RNF216: variants seen among roughly 807,000 people sequenced by gnomAD.
RNF216 encodes ring finger protein 216, also known as E3 ubiquitin-protein ligase RNF216.
In RNF216, 72 loss-of-function variants were observed where a neutral mutation model predicts 110.8. The observed-to-expected ratio is 0.65, with a 90% CI of 0.54 to 0.79. The LOEUF (loss-of-function observed/expected upper bound fraction) is 0.79. RNF216 is among the 30% of genes least tolerant of loss of function. RNF216 has a pLI of 0.00. For synonymous variants in RNF216, 495 were observed against 407.5 expected, an observed-to-expected ratio of 1.21 and a Z score of -2.59; for missense variants, 1,342 against 1,141.2, an observed-to-expected ratio of 1.18 and a Z score of -2.54.
chr7:5,743,607 A>G (rs1482259704), intron 3 of RNF216, among the ~76,000 whole-genome samples: 1 of 152,266 alleles, frequency 6.6e-6, no homozygotes, highest in East Asian at 1.9e-4. Context: ...AAATATGTCA[A>G]TAAGACACAA....
rs576439106 is a variant in RNF216 at position 5,710,545 on chromosome 7, G to C, written c.2061+1216C>G. Among the ~76,000 whole-genome samples, 53 of 152,216 alleles carry C rather than the reference G, an allele frequency of 3.5e-4. 1 individual carries two copies. In the South Asian group the frequency reaches 9.9e-3, roughly 29 times the overall value. The stretch of plus-strand genomic sequence containing the variant: ...AAGACCCAAGAGGCTGTGCAGTGCT[G>C]TACATTTCTCACCTGGACTACTCAA... On this transcript the variant is annotated intron_variant, in intron 13 of 16. Transcript: ENST00000389902.
chr7:5,643,474 C>G (rs1463236113), intron 14 of RNF216, among the ~76,000 whole-genome samples: 1 of 151,910 alleles, frequency 6.6e-6, no homozygotes. Flanking sequence ...CTTGCGCTCA[C>G]ACAGGAAGGC....
chr7:5,646,642 A>G (rs922518510), intron 14 of RNF216, among the ~76,000 whole-genome samples: 7 of 151,862 alleles, frequency 4.6e-5, no homozygotes, highest in Admixed American at 2.6e-4. Context: ...GCAGTGAGCC[A>G]AGATTGCACC....
chr7:5,736,722 C>G (rs1368942504), intron 5 of RNF216, among the ~76,000 whole-genome samples: 1 of 151,954 alleles, frequency 6.6e-6, no homozygotes, highest in African/African-American at 2.4e-5. Context: ...GGGAGCGCCT[C>G]TGCCCCGCCG....
intron 7 of RNF216, among the ~76,000 whole-genome samples, chr7:5,725,661 C>A (rs920097940): frequency 2.0e-4 from 30 of 152,088 alleles, no homozygotes; most frequent in African/African-American, 7.0e-4. Context: ...ACCAGTCTGG[C>A]CAACATGGTG....
intron 1 of RNF216, among the ~76,000 whole-genome samples, chr7:5,766,313 A>T (rs1238505688): frequency 6.6e-6 from 1 of 152,074 alleles, no homozygotes; most frequent in African/African-American, 2.4e-5. Flanking sequence ...AAAAACAAAC[A>T]AAAAAATCCT....
intron 13 of RNF216, among the ~76,000 whole-genome samples, chr7:5,690,779 C>G: frequency 6.6e-6 from 1 of 152,174 alleles, no homozygotes; most frequent in East Asian, 1.9e-4. Context: ...CACTAGAGCT[C>G]ATGCCCCGAC....
chr7:5,718,830 T>C (rs1793231268), intron 9 of RNF216, among the ~76,000 whole-genome samples: 1 of 152,132 alleles, frequency 6.6e-6, no homozygotes, highest in Non-Finnish European at 1.5e-5. Context: ...ATGCTGGGAT[T>C]ACAGGCATGA....
chr7:5,717,756 C>G (rs1212645741), intron 9 of RNF216, among the ~76,000 whole-genome samples: 1 of 152,142 alleles, frequency 6.6e-6, no homozygotes, highest in Non-Finnish European at 1.5e-5. Flanking sequence ...AAAATGCAGT[C>G]GCAGAAGAGT....
chr7:5,760,908 A>G, intron 2 of RNF216, 95 bp downstream of exon 2: 1 of 976,366 alleles, frequency 1.0e-6, no homozygotes, highest in South Asian at 1.5e-5. Context: ...CCTGGATTCT[A>G]AATGGTACAA....
intron 3 of RNF216, among the ~76,000 whole-genome samples, chr7:5,751,359 A>C (rs977315984): frequency 6.6e-6 from 1 of 152,180 alleles, no homozygotes; most frequent in African/African-American, 2.4e-5. Context: ...AAATTATAGG[A>C]GGCCACTGTT....
At chr7:5,638,589 T>C (rs1173978963) in intron 15 of RNF216, among the ~76,000 whole-genome samples, 1 of 151,912 alleles carries the variant, frequency 6.6e-6, no homozygotes, top group African/African-American at 2.4e-5. Flanking sequence ...TAGGGGTGGC[T>C]GTTAGCCAAC....
At chr7:5,733,399 A>G (rs1293160338) in intron 5 of RNF216, among the ~76,000 whole-genome samples, 1 of 152,206 alleles carries the variant, frequency 6.6e-6, no homozygotes, top group East Asian at 1.9e-4. Flanking sequence ...CTGTAAGAGA[A>G]GGTATCAATT....
chr7:5,757,251 C>T (rs1795690685), intron 2 of RNF216, among the ~76,000 whole-genome samples: 3 of 152,054 alleles, frequency 2.0e-5, no homozygotes, highest in Admixed American at 6.6e-5. Context: ...TTAGATCTGC[C>T]AATTTTTGCT....
intron 1 of RNF216, among the ~76,000 whole-genome samples, chr7:5,776,948 AAAAG>A (rs143520636): frequency 0.41 from 60,802 of 147,468 alleles, 12,989 homozygotes; most frequent in East Asian, 0.75. Context: ...GAGAGAGAAA[AAAAG>A]AAAGAAAGAA....
chr7:5,759,894 G>C (rs1020471756), intron 2 of RNF216, among the ~76,000 whole-genome samples: 2 of 152,086 alleles, frequency 1.3e-5, no homozygotes, highest in African/African-American at 4.8e-5. Context: ...GTCTCCCAAA[G>C]TGCTGGGATT....
intron 15 of RNF216, among the ~76,000 whole-genome samples, chr7:5,627,530 G>A (rs555536253): frequency 6.6e-6 from 1 of 152,168 alleles, no homozygotes; most frequent in East Asian, 1.9e-4. Context: ...GGCGGACCAC[G>A]AGGTCAGGAG....
At chr7:5,626,528 G>C (rs546058727) in intron 15 of RNF216, among the ~76,000 whole-genome samples, 59 of 152,118 alleles carry the variant, frequency 3.9e-4, no homozygotes, top group African/African-American at 1.4e-3. Context: ...ACCAGCCTGG[G>C]CAACAAAGTG....
chr7:5,727,630 G>A (rs763337085), intron 7 of RNF216, among the ~76,000 whole-genome samples: 16 of 152,152 alleles, frequency 1.1e-4, no homozygotes, highest in Admixed American at 2.0e-4. Context: ...TACATGGGAG[G>A]CTGAGGCAGG....
Sources: allele counts gnomAD v4.1 joint callset (sites outside exome capture counted in the v4.1 genomes callset), GRCh38; gene constraint gnomAD v4.1.1; transcripts MANE v1.5; gene names NCBI Gene and HGNC (gene_info 2026-07-23, HGNC 2026-07-21).